The following ZNF385B variants were observed in gnomAD, a reference collection of about 807,000 sequenced individuals.
ZNF385B encodes the protein zinc finger protein 533.
A neutral mutation model predicts 39.2 loss-of-function variants in ZNF385B; 23 were observed. The observed-to-expected ratio is 0.59, with a 90% confidence interval of 0.42 to 0.83. ZNF385B has a LOEUF of 0.83. ZNF385B is among the 40% of genes least tolerant of loss of function. The probability of loss-of-function intolerance (pLI) is 0.00; values close to 1 mark genes in which losing one functional copy is unlikely to be tolerated. For synonymous variants in ZNF385B, 205 were observed against 222.6 expected (o/e 0.92, Z 0.70); for missense variants, 552 against 598.9 (o/e 0.92, Z 0.82).
chr2:179,786,684 GTTTC>G lies in ZNF385B; in HGVS notation c.-154-16016_-154-16013del, dbSNP rs748807888. The stretch of plus-strand genomic sequence containing the variant: ...GAGCCTAAAGGCAGTGATATGACAG[GTTTC>G]TTTCTTTTTCTTTTTTTTTTTTCAT... On this transcript the variant is annotated intron_variant, in intron 1 of 9. Transcript: ENST00000410066. 2.3e-4 allele frequency among the ~76,000 whole-genome samples: 35 copies of G among 150,606 alleles called. No individual in the cohort carries two copies. The East Asian group carries it at 2.7e-3, about 12-fold the overall frequency.
chr2:179,623,632 G>A (rs1174086136), intron 3 of ZNF385B, among the ~76,000 whole-genome samples: 1 of 152,140 alleles, frequency 6.6e-6, no homozygotes, highest in Non-Finnish European at 1.5e-5. Context: ...GTGCAACTGT[G>A]GTAGGCAGTA....
intron 1 of ZNF385B, among the ~76,000 whole-genome samples, chr2:179,782,398 G>A (rs1164159319): frequency 6.6e-6 from 1 of 152,088 alleles, no homozygotes; most frequent in African/African-American, 2.4e-5. Flanking sequence ...GCAAAAGCTG[G>A]AAGCATTCTC....
At chr2:179,611,271 A>T (rs36060902) in intron 3 of ZNF385B, among the ~76,000 whole-genome samples, 22,076 of 152,158 alleles carry the variant, frequency 0.15, 1,872 homozygotes, top group East Asian at 0.25. Context: ...ATGTTATCAC[A>T]TGCTTTTTCA....
intron 3 of ZNF385B, among the ~76,000 whole-genome samples, chr2:179,746,888 G>A (rs558725762): frequency 6.6e-6 from 1 of 152,170 alleles, no homozygotes; most frequent in Admixed American, 6.5e-5. Flanking sequence ...TTTGACATGT[G>A]CATGCAAACT....
intron 3 of ZNF385B, among the ~76,000 whole-genome samples, chr2:179,697,125 C>T (rs1698826766): frequency 6.6e-6 from 1 of 152,142 alleles, no homozygotes; most frequent in Non-Finnish European, 1.5e-5. Context: ...TTTAATTTTG[C>T]TTACGAAAAT....
chr2:179,831,527 A>G (rs1321441081), intron 1 of ZNF385B, among the ~76,000 whole-genome samples: 5 of 152,168 alleles, frequency 3.3e-5, no homozygotes, highest in Admixed American at 3.3e-4. Flanking sequence ...CTTATCATCT[A>G]AATTAAGATT....
chr2:179,456,153 C>G (rs2050683118), intron 6 of ZNF385B, among the ~76,000 whole-genome samples: 3 of 152,174 alleles, frequency 2.0e-5, no homozygotes, highest in Admixed American at 6.5e-5. Flanking sequence ...GTTATATAAA[C>G]AGCATTATAT....
intron 3 of ZNF385B, among the ~76,000 whole-genome samples, chr2:179,613,763 A>G (rs762697401): frequency 1.1e-4 from 16 of 152,014 alleles, no homozygotes; most frequent in Non-Finnish European, 2.1e-4. Context: ...AACCCAGCTC[A>G]TTCCTCACTA....
chr2:179,622,612 C>T (rs1425433929), intron 3 of ZNF385B, among the ~76,000 whole-genome samples: 1 of 152,194 alleles, frequency 6.6e-6, no homozygotes, highest in South Asian at 2.1e-4. Context: ...CAGTTATTTA[C>T]TCTGCATTTC....
chr2:179,592,623 T>C (rs908588809), intron 3 of ZNF385B, among the ~76,000 whole-genome samples: 3 of 152,196 alleles, frequency 2.0e-5, no homozygotes, highest in Non-Finnish European at 2.9e-5. Context: ...GACACTATTT[T>C]TTTTTACAGA....
chr2:179,691,456 T>C (rs1016010010), intron 3 of ZNF385B, among the ~76,000 whole-genome samples: 1 of 152,234 alleles, frequency 6.6e-6, no homozygotes. Flanking sequence ...ACCATTTCAC[T>C]GTCTCATTCA....
intron 5 of ZNF385B, among the ~76,000 whole-genome samples, chr2:179,492,809 G>A: frequency 6.6e-6 from 1 of 151,974 alleles, no homozygotes; most frequent in East Asian, 1.9e-4. Context: ...ACTAATAACA[G>A]ATACCTTCAA....
intron 3 of ZNF385B, among the ~76,000 whole-genome samples, chr2:179,594,382 T>C (rs544282371): frequency 1.3e-5 from 2 of 152,334 alleles, no homozygotes; most frequent in East Asian, 1.9e-4. Flanking sequence ...TATGCTAATT[T>C]AGTCATGGTC....
chr2:179,773,089 C>G (rs1167326414), intron 1 of ZNF385B, among the ~76,000 whole-genome samples: 1 of 152,086 alleles, frequency 6.6e-6, no homozygotes, highest in Non-Finnish European at 1.5e-5. Flanking sequence ...CACTAGGATG[C>G]AATCCGTCAG....
intron 3 of ZNF385B, among the ~76,000 whole-genome samples, chr2:179,574,810 G>T (rs7592221): frequency 6.6e-6 from 1 of 151,980 alleles, no homozygotes; most frequent in Non-Finnish European, 1.5e-5. Context: ...GGGATGTTAG[G>T]GGGGAAGGGC....
chr2:179,826,467 C>T (rs1340253712), intron 1 of ZNF385B, among the ~76,000 whole-genome samples: 2 of 152,126 alleles, frequency 1.3e-5, no homozygotes, highest in African/African-American at 4.8e-5. Context: ...TACTCAGACA[C>T]CACTTACCCC....
At position 179,445,544 on chromosome 2, in the gene ZNF385B, C is replaced by T. The variant is rs768443107; in HGVS notation, c.1140+6G>A. The T allele has an allele frequency of 7.5e-6, 12 of 1,607,800 alleles. No homozygotes were observed. The highest frequency in any genetic ancestry group is 6.7e-5 in the South Asian group (6 of 89,736). ...CAATAATGTTTACTAATTCAGGATA[C>T]GTTACCTGTTTGAGTTGAATTTCTG... is the stretch of plus-strand genomic sequence containing the variant. On this transcript the variant is annotated splice_donor_region_variant and intron_variant, in intron 8 of 9. Coordinates refer to ENST00000410066, the MANE Select transcript of ZNF385B (RefSeq NM_152520.6).
rs1402999183 is a variant in ZNF385B, at chr2:179,556,605, C to T, written c.299-11636G>A. ...GGGCTTTACTAAAATTGTCTGAGGT[C>T]GAGAACGGATTGGGAGGTCACAGCG... On this transcript the variant is annotated intron_variant, in intron 3 of 9. Coordinates refer to ENST00000410066, the MANE Select transcript of ZNF385B (RefSeq NM_152520.6). Among the ~76,000 whole-genome samples the T allele has an allele frequency of 3.3e-5, 5 of 149,428 alleles. 1 individual carries two copies. The highest frequency in any genetic ancestry group is 5.9e-5 in the Non-Finnish European group (4 of 67,670).
intron 3 of ZNF385B, among the ~76,000 whole-genome samples, chr2:179,565,155 A>G (rs1684410322): frequency 6.6e-6 from 1 of 152,174 alleles, no homozygotes; most frequent in Non-Finnish European, 1.5e-5. Flanking sequence ...CAAATCAATC[A>G]TTATCCTACT....
Sources: allele counts gnomAD v4.1 joint callset (sites outside exome capture counted in the v4.1 genomes callset), GRCh38; gene constraint gnomAD v4.1.1; transcripts MANE v1.5; gene names NCBI Gene and HGNC (gene_info 2026-07-23, HGNC 2026-07-21).